CA8: variants seen among roughly 807,000 people sequenced by gnomAD.
CA8 encodes carbonic anhydrase-related protein.
CA8 carries 22 observed loss-of-function variants against 41.4 expected under a neutral mutation model. The observed-to-expected ratio is 0.53, with a 90% CI of 0.38 to 0.76. The LOEUF is 0.76. Ranked by LOEUF, CA8 falls within the 30% of genes least tolerant of loss-of-function variation. CA8 has a pLI of 0.00. For synonymous variants in CA8, 121 were observed against 130.6 expected (o/e 0.93, Z 0.50); for missense variants, 270 against 352.8 (o/e 0.77, Z 1.88).
intron 2 of CA8, among the ~76,000 whole-genome samples, chr8:60,275,776 G>A (rs1213117965): frequency 6.6e-6 from 1 of 152,004 alleles, no homozygotes; most frequent in Non-Finnish European, 1.5e-5. Context: ...TCCCACCAAG[G>A]CATATGGTTG....
At chr8:60,220,339 C>A (rs2130460074) in intron 7 of CA8, among the ~76,000 whole-genome samples, 1 of 152,144 alleles carries the variant, frequency 6.6e-6, no homozygotes, top group East Asian at 1.9e-4. Flanking sequence ...ATACTAAAAC[C>A]AGAATCAAGC....
intron 3 of CA8, among the ~76,000 whole-genome samples, chr8:60,253,684 C>T (rs986861836): frequency 6.6e-6 from 1 of 152,174 alleles, no homozygotes; most frequent in Admixed American, 6.5e-5. Context: ...GGGGTTACCT[C>T]TCGTGCCCCT....
chr8:60,215,358 T>TAAACAC (rs1554576871), intron 7 of CA8, among the ~76,000 whole-genome samples: 1 of 144,186 alleles, frequency 6.9e-6, no homozygotes. Context: ...TGTGTGTGTA[T>TAAACAC]ACACACACAC....
At chr8:60,195,885 A>C (rs1034893837) in intron 8 of CA8, among the ~76,000 whole-genome samples, 6 of 152,202 alleles carry the variant, frequency 3.9e-5, no homozygotes, top group Non-Finnish European at 8.8e-5. Context: ...ACAGAGGAAG[A>C]GGTCAGGAGT....
At chr8:60,190,953 T>TAC (rs1392130158) in intron 8 of CA8, among the ~76,000 whole-genome samples, 6 of 113,480 alleles carry the variant, frequency 5.3e-5, no homozygotes, top group African/African-American at 1.6e-4. Flanking sequence ...TATATATATA[T>TAC]ATATACACAC....
chr8:60,190,432 AATATATATATATATAT>A (rs57878452), intron 8 of CA8, among the ~76,000 whole-genome samples: 4,707 of 99,354 alleles, frequency 0.047, 153 homozygotes, highest in South Asian at 0.1. Flanking sequence ...ATAAATGCAG[AATATATATATATATAT>A]ATATATATAT....
chr8:60,237,819 C>A (rs568951070), intron 3 of CA8, among the ~76,000 whole-genome samples: 1 of 152,238 alleles, frequency 6.6e-6, no homozygotes, highest in Non-Finnish European at 1.5e-5. Flanking sequence ...TTTTCCGTAA[C>A]AATTAAAGCT....
At chr8:60,216,569 A>T (rs912182979) in intron 7 of CA8, among the ~76,000 whole-genome samples, 1 of 152,204 alleles carries the variant, frequency 6.6e-6, no homozygotes, top group Non-Finnish European at 1.5e-5. Flanking sequence ...ATCAGGGAGC[A>T]TGACTTTAGT....
intron 8 of CA8, 116 bp downstream of exon 8, chr8:60,208,634 A>G: frequency 3.4e-6 from 3 of 871,482 alleles, no homozygotes; most frequent in Non-Finnish European, 3.7e-6. Flanking sequence ...AAATTTTATC[A>G]AGATGAAGTA....
chr8:60,264,375 G>A (rs1010566108), intron 3 of CA8, among the ~76,000 whole-genome samples: 1 of 152,236 alleles, frequency 6.6e-6, no homozygotes, highest in African/African-American at 2.4e-5. Flanking sequence ...CCCAAAGAGG[G>A]AGGCAGGGCA....
chr8:60,222,586 C>A, intron 7 of CA8, 63 bp downstream of exon 7: 1 of 1,053,002 alleles, frequency 9.5e-7, no homozygotes, highest in Non-Finnish European at 1.5e-6. Context: ...AGACATTTTC[C>A]TTTCTCAGAA....
At chr8:60,255,526 T>C (rs1016356191) in intron 3 of CA8, among the ~76,000 whole-genome samples, 1 of 152,236 alleles carries the variant, frequency 6.6e-6, no homozygotes, top group Non-Finnish European at 1.5e-5. Context: ...CTGGTTCCAC[T>C]GAATAAACTC....
intron 3 of CA8, among the ~76,000 whole-genome samples, chr8:60,259,123 G>A (rs1039793817): frequency 1.3e-5 from 2 of 152,098 alleles, no homozygotes; most frequent in Admixed American, 6.6e-5. Context: ...ATGGGTGGAC[G>A]GACAGACAAA....
At chr8:60,226,394 CTG>C (rs1807439578) in intron 5 of CA8, among the ~76,000 whole-genome samples, 1 of 152,196 alleles carries the variant, frequency 6.6e-6, no homozygotes. Flanking sequence ...TTGAGACATA[CTG>C]TACCAATTGG....
intron 3 of CA8, among the ~76,000 whole-genome samples, chr8:60,238,260 G>A (rs1807901171): frequency 1.3e-5 from 2 of 152,200 alleles, no homozygotes; most frequent in South Asian, 4.1e-4. Context: ...CACGACAAAT[G>A]AGGTTTATTA....
intron 2 of CA8, 97 bp downstream of exon 2, chr8:60,279,592 A>C (rs1346818266): frequency 5.8e-6 from 6 of 1,032,070 alleles, no homozygotes; most frequent in Non-Finnish European, 9.0e-6. Context: ...GAGATACGTC[A>C]GTTGTACTTT....
chr8:60,261,875 CTA>C (rs1385927362), intron 3 of CA8, among the ~76,000 whole-genome samples: 3 of 152,100 alleles, frequency 2.0e-5, no homozygotes, highest in Non-Finnish European at 2.9e-5. Flanking sequence ...CCACACCCGG[CTA>C]ATTTTTGCAT....
chr8:60,266,770 G>A (rs995375585), intron 2 of CA8, among the ~76,000 whole-genome samples: 1 of 152,162 alleles, frequency 6.6e-6, no homozygotes, highest in African/African-American at 2.4e-5. Context: ...ATGAGAACCT[G>A]TCTTAAAACA....
chr8:60,257,902 G>C (rs910772755), intron 3 of CA8, among the ~76,000 whole-genome samples: 1 of 152,234 alleles, frequency 6.6e-6, no homozygotes, highest in African/African-American at 2.4e-5. Context: ...GCACAGGCAG[G>C]TTAGGTGAGT....
Sources: gnomAD v4.1 joint callset for allele counts (sites outside exome capture counted in the v4.1 genomes callset) on GRCh38, gnomAD v4.1.1 for gene constraint, MANE v1.5 for transcripts, NCBI Gene and HGNC (gene_info 2026-07-23, HGNC 2026-07-21) for gene names.